SPIRE1: variants seen among roughly 807,000 people sequenced by gnomAD.
SPIRE1 encodes the protein spire type actin nucleation factor 1, also known as protein spire homolog 1.
A neutral mutation model predicts 94.1 loss-of-function variants in SPIRE1; 40 were observed. The ratio of observed to expected loss-of-function variants is 0.43; its 90% CI spans 0.33 to 0.55. SPIRE1 has a LOEUF of 0.55. SPIRE1 is among the 20% of genes least tolerant of loss of function. The pLI, the probability that SPIRE1 is intolerant of heterozygous loss-of-function variation, is 0.06. For missense variants in SPIRE1, 838 were observed against 975.2 expected (o/e 0.86, Z 1.87); for synonymous variants, 376 against 371.7 (o/e 1.01, Z -0.13).
chr18:12,574,262 A>G (rs1434671992), intron 2 of SPIRE1, among the ~76,000 whole-genome samples: 2 of 152,238 alleles, frequency 1.3e-5, no homozygotes, highest in African/African-American at 4.8e-5. Context: ...TAGATAGATA[A>G]TGTGGCTTTA....
intron 2 of SPIRE1, among the ~76,000 whole-genome samples, chr18:12,615,996 G>A (rs149617858): frequency 5.5e-4 from 83 of 152,136 alleles, no homozygotes; most frequent in African/African-American, 1.9e-3. Flanking sequence ...GTCCCCTCTA[G>A]AACAAACTAT....
intron 8 of SPIRE1, among the ~76,000 whole-genome samples, chr18:12,492,400 A>C (rs2033267194): frequency 6.6e-6 from 1 of 152,216 alleles, no homozygotes; most frequent in African/African-American, 2.4e-5. Flanking sequence ...CAGACATCTT[A>C]TAATATGGCC....
rs142236820 is a variant in SPIRE1, at chr18:12,586,359, A to G, written c.373-39455T>C. On this transcript the variant is annotated intron_variant, in intron 2 of 16. Transcript: ENST00000409402. ...CAGTAAGTCTAAAACTGTTACTGCCATAAATAGTTTGGTTTGTCCCATCTC... is the reference window on the plus strand; with the variant it reads ...CAGTAAGTCTAAAACTGTTACTGCCGTAAATAGTTTGGTTTGTCCCATCTC... Among the ~76,000 whole-genome samples, 167 of 152,340 alleles carry G rather than the reference A, an allele frequency of 1.1e-3. 1 individual carries two copies. In the Middle Eastern group the frequency reaches 0.014, roughly 12 times the overall value.
chr18:12,506,532 T>C lies in SPIRE1; in HGVS notation c.917A>G (p.Tyr306Cys). The C allele has an allele frequency of 6.2e-7, 1 of 1,614,016 alleles. No individual in the cohort carries two copies. The highest frequency in any genetic ancestry group is 1.3e-5 in the African/African-American group (1 of 75,028). Residue 306 changes from tyrosine to cysteine, a missense_variant, in exon 6 of 17, where the codon TAT becomes TGT. By Grantham distance (194) the Tyr-to-Cys change is radical. Transcript: ENST00000409402. ...PLPIEYQLTP[Y>C]EMLMDDIRCK... is the part of the protein sequence containing the mutation. ...GCGAATGTCATCCATTAACATCTCA[T>C]AAGGGGTGAGCTGATATTCAATGGG...
chr18:12,468,207 C>T (rs894593821), intron 10 of SPIRE1, among the ~76,000 whole-genome samples: 1 of 152,104 alleles, frequency 6.6e-6, no homozygotes, highest in East Asian at 1.9e-4. Flanking sequence ...TTTATGACCA[C>T]AGATGTTAAA....
At chr18:12,491,780 T>C (rs2033243527) in intron 8 of SPIRE1, among the ~76,000 whole-genome samples, 1 of 152,018 alleles carries the variant, frequency 6.6e-6, no homozygotes, top group African/African-American at 2.4e-5. Context: ...CAATATGGAA[T>C]GGTGGAAGAA....
chr18:12,656,668 T>C (rs757228523), intron 1 of SPIRE1: 2 of 973,366 alleles, frequency 2.1e-6, no homozygotes, highest in South Asian at 4.8e-5. Flanking sequence ...AAGAATGAAT[T>C]AGATAAAAAC....
At position 12,559,394 on chromosome 18, in the gene SPIRE1, C is replaced by A. The variant is rs990139630; in HGVS notation, c.373-12490G>T. Among the ~76,000 whole-genome samples the A allele has an allele frequency of 2.0e-5, 3 of 152,120 alleles. No homozygotes were observed. The highest frequency in any genetic ancestry group is 6.5e-5 in the Admixed American group (1 of 15,286). On this transcript the variant is annotated intron_variant, in intron 2 of 16. Coordinates refer to ENST00000409402, the MANE Select transcript of SPIRE1 (RefSeq NM_001128626.2). This position sits in a 1 kb window ranked among gnomAD's most constrained non-coding sequence, Gnocchi z 4.7. ...CCGGCAGCTCTGAGTGCTGGCCGGG[C>A]GAGACTGCACCCACCCGGAACTCGT...
At chr18:12,489,367 T>C (rs2033152064) in intron 8 of SPIRE1, among the ~76,000 whole-genome samples, 1 of 152,234 alleles carries the variant, frequency 6.6e-6, no homozygotes, top group Non-Finnish European at 1.5e-5. Context: ...ACAGCACTCT[T>C]CCATCTTCTC....
chr18:12,473,974 CACGTATATAT>C (rs1242801502), intron 10 of SPIRE1, among the ~76,000 whole-genome samples: 1 of 152,096 alleles, frequency 6.6e-6, no homozygotes, highest in Non-Finnish European at 1.5e-5. Flanking sequence ...TAAATAAGAT[CACGTATATAT>C]ACAGAGTTTA....
At chr18:12,658,480 A>T, upstream of SPIRE1, 1 of 448,024 alleles carries the variant, frequency 2.2e-6, no homozygotes, top group South Asian at 1.6e-5. Context: ...TTTATCAGGG[A>T]AGTCCCCGGC....
intron 2 of SPIRE1, among the ~76,000 whole-genome samples, chr18:12,554,510 A>G (rs1191808642): frequency 6.6e-6 from 1 of 152,188 alleles, no homozygotes; most frequent in Non-Finnish European, 1.5e-5. Flanking sequence ...AAAGCTTCCC[A>G]GCAAAGAAAA....
At chr18:12,547,085 T>A (rs1196659060) in intron 2 of SPIRE1, among the ~76,000 whole-genome samples, 181 bp from the exon 3 acceptor site, 1 of 151,772 alleles carries the variant, frequency 6.6e-6, no homozygotes, top group African/African-American at 2.4e-5. Context: ...GCCATTCATA[T>A]ATAAAATATT....
At position 12,633,300 on chromosome 18, in the gene SPIRE1, G is replaced by C. The variant is rs905509469; in HGVS notation, c.372+1762C>G. Among the ~76,000 whole-genome samples, 241 of 152,204 alleles carry C rather than the reference G, an allele frequency of 1.6e-3. 1 individual carries two copies. The highest frequency in any genetic ancestry group is 2.0e-3 in the Non-Finnish European group (139 of 68,004). On this transcript the variant is annotated intron_variant, in intron 2 of 16. Coordinates refer to ENST00000409402, the MANE Select transcript of SPIRE1 (RefSeq NM_001128626.2). ...AAAAATTGTCCCTCCTTTCAAAGTT[G>C]AATAGAAAATGCAAAAATGGGCCGG...
intron 8 of SPIRE1, among the ~76,000 whole-genome samples, chr18:12,488,119 T>C (rs2033102571): frequency 6.6e-6 from 1 of 152,246 alleles, no homozygotes; most frequent in South Asian, 2.1e-4. Context: ...ACTTCCCATA[T>C]TCTCCAAAAC....
At chr18:12,526,092 C>CACACACACACACACACACACACACACAG (rs765621602) in intron 4 of SPIRE1, among the ~76,000 whole-genome samples, 12 of 149,088 alleles carry the variant, frequency 8.0e-5, no homozygotes, top group South Asian at 2.2e-4. Context: ...CACACACACA[C>CACACACACACACACACACACACACACAG]AGAGATGTAT....
rs1415621533 is a variant in SPIRE1 at position 12,559,808 on chromosome 18, A to C, written c.373-12904T>G. ...GAAGAAAACAACAAAATGAAGAAAC[A>C]ACCCAAAGAACGGGAGAAAATATGT... On this transcript the variant is annotated intron_variant, in intron 2 of 16. Transcript: ENST00000409402. The surrounding 1 kb of genome is among the most constrained non-coding windows in gnomAD (Gnocchi z 4.7). Among the ~76,000 whole-genome samples, 2 of 152,204 alleles carry C rather than the reference A, an allele frequency of 1.3e-5. No individual in the cohort carries two copies. The highest frequency in any genetic ancestry group is 2.4e-5 in the African/African-American group (1 of 41,452).
upstream of SPIRE1, among the ~76,000 whole-genome samples, chr18:12,659,415 C>A (rs1160349639): frequency 6.6e-6 from 1 of 152,152 alleles, no homozygotes; most frequent in African/African-American, 2.4e-5. Context: ...GGCCTGTAAT[C>A]CCAGCACTTT....
At chr18:12,594,361 T>A (rs1046233860) in intron 2 of SPIRE1, among the ~76,000 whole-genome samples, 2 of 152,162 alleles carry the variant, frequency 1.3e-5, no homozygotes, top group African/African-American at 4.8e-5. Context: ...ATGTCCATTA[T>A]TATGGACATT....
Sources: gnomAD v4.1 joint callset for allele counts (sites outside exome capture counted in the v4.1 genomes callset) on GRCh38, gnomAD v4.1.1 for gene constraint, Gnocchi (gnomAD v3.1) non-coding constraint, MANE v1.5 for transcripts, NCBI Gene and HGNC (gene_info 2026-07-23, HGNC 2026-07-21) for gene names.